LDB2: variants seen among roughly 807,000 people sequenced by gnomAD.
The protein encoded by LDB2 is LIM domain binding 2.
Under a neutral mutation model 44.3 loss-of-function variants are expected in LDB2, and 12 were observed. That is an observed-to-expected ratio of 0.27 (90% CI 0.17 to 0.44). The LOEUF (loss-of-function observed/expected upper bound fraction) is 0.44, where lower values mean the gene tolerates loss of function less well. LDB2 is among the 20% of genes least tolerant of loss of function. The probability of loss-of-function intolerance (pLI) is 1.00; values close to 1 mark genes in which losing one functional copy is unlikely to be tolerated. For synonymous variants in LDB2, 164 were observed against 174.8 expected (o/e 0.94, Z 0.49); for missense variants, 344 against 473.5 (o/e 0.73, Z 2.54).
chr4:16,573,495 G>A (rs1747318363), intron 5 of LDB2, among the ~76,000 whole-genome samples: 2 of 152,254 alleles, frequency 1.3e-5, no homozygotes, highest in South Asian at 2.1e-4. Context: ...TGACAATGCC[G>A]AACAGTTATA....
chr4:16,629,759 G>GA (rs1395746615), intron 2 of LDB2, among the ~76,000 whole-genome samples: 2 of 151,954 alleles, frequency 1.3e-5, no homozygotes, highest in South Asian at 2.1e-4. Flanking sequence ...TGGTGGAGCT[G>GA]AAAACCACAG....
chr4:16,622,865 G>T (rs1459689536), intron 2 of LDB2, among the ~76,000 whole-genome samples: 1 of 152,168 alleles, frequency 6.6e-6, no homozygotes, highest in Admixed American at 6.5e-5. Flanking sequence ...GTCTCCAAAA[G>T]CTATTGTCCC....
chr4:16,774,576 C>A (rs749705461), intron 1 of LDB2, among the ~76,000 whole-genome samples: 1 of 152,074 alleles, frequency 6.6e-6, no homozygotes. Flanking sequence ...CTAAGTCAAG[C>A]CTTTGAAAGA....
chr4:16,548,944 A>T (rs953958555), intron 5 of LDB2, among the ~76,000 whole-genome samples: 2 of 152,232 alleles, frequency 1.3e-5, no homozygotes, highest in South Asian at 4.1e-4. Context: ...CAAGACCCCA[A>T]GACCTATGCC....
chr4:16,643,080 C>A (rs1312668275), intron 2 of LDB2, among the ~76,000 whole-genome samples: 1 of 149,494 alleles, frequency 6.7e-6, no homozygotes, highest in Non-Finnish European at 1.5e-5. Context: ...ATATTTATTA[C>A]AACAATTTCC....
intron 1 of LDB2, among the ~76,000 whole-genome samples, chr4:16,809,084 G>T (rs914842531): frequency 2.6e-5 from 4 of 152,064 alleles, no homozygotes; most frequent in Non-Finnish European, 5.9e-5. Context: ...ACTTCCTCAG[G>T]CTGAAAGTCT....
intron 1 of LDB2, among the ~76,000 whole-genome samples, chr4:16,863,829 T>C (rs1039345253): frequency 6.6e-6 from 1 of 152,016 alleles, no homozygotes; most frequent in Non-Finnish European, 1.5e-5. Context: ...CCCGGCTAAT[T>C]TTTTGTATTT....
chr4:16,521,684 G>C (rs1303045654), intron 5 of LDB2, among the ~76,000 whole-genome samples: 1 of 152,122 alleles, frequency 6.6e-6, no homozygotes, highest in Non-Finnish European at 1.5e-5. Flanking sequence ...CTGATACCAG[G>C]TGACCCTACA....
intron 2 of LDB2, among the ~76,000 whole-genome samples, chr4:16,623,767 C>T (rs999345118): frequency 9.0e-5 from 5 of 55,306 alleles, no homozygotes; most frequent in African/African-American, 1.4e-4. Context: ...AATATACATA[C>T]ACACACACAC....
At chr4:16,612,860 GCA>G (rs1263576194) in intron 2 of LDB2, among the ~76,000 whole-genome samples, 1 of 152,156 alleles carries the variant, frequency 6.6e-6, no homozygotes, top group Non-Finnish European at 1.5e-5. Context: ...TATGAAGCTG[GCA>G]TCATCCTGAT....
chr4:16,872,490 T>C (rs1340227675), intron 1 of LDB2, among the ~76,000 whole-genome samples: 1 of 152,218 alleles, frequency 6.6e-6, no homozygotes, highest in African/African-American at 2.4e-5. Flanking sequence ...TTCCTTCAAC[T>C]GAATTGTAAG....
At chr4:16,522,080 T>G (rs1726318394) in intron 5 of LDB2, among the ~76,000 whole-genome samples, 1 of 152,050 alleles carries the variant, frequency 6.6e-6, no homozygotes, top group Non-Finnish European at 1.5e-5. Flanking sequence ...AACTAACTAG[T>G]GGGGTAACTA....
At chr4:16,523,496 A>G (rs983176324) in intron 5 of LDB2, among the ~76,000 whole-genome samples, 1 of 152,118 alleles carries the variant, frequency 6.6e-6, no homozygotes, top group African/African-American at 2.4e-5. Context: ...ACATTTTGGG[A>G]CCATTATTAA....
chr4:16,893,407 CA>C (rs1206956540), intron 1 of LDB2, among the ~76,000 whole-genome samples: 4 of 152,060 alleles, frequency 2.6e-5, no homozygotes, highest in African/African-American at 4.8e-5. Context: ...ATCTGAACAT[CA>C]ATGATACCAA....
chr4:16,753,606 A>G (rs573573983), intron 2 of LDB2, among the ~76,000 whole-genome samples: 2 of 152,184 alleles, frequency 1.3e-5, no homozygotes, highest in South Asian at 4.1e-4. Context: ...GAGTGATGAC[A>G]TTTCTTAAAA....
At chr4:16,666,581 T>C (rs944922708) in intron 2 of LDB2, among the ~76,000 whole-genome samples, 3 of 152,216 alleles carry the variant, frequency 2.0e-5, no homozygotes, top group African/African-American at 7.2e-5. Context: ...AGAACCAGGG[T>C]TCCACCAGGC....
intron 5 of LDB2, among the ~76,000 whole-genome samples, chr4:16,583,601 TC>T (rs1392402224): frequency 6.6e-6 from 1 of 152,208 alleles, no homozygotes. Flanking sequence ...GAATCTTAAA[TC>T]CCAGTTCTAA....
intron 5 of LDB2, among the ~76,000 whole-genome samples, chr4:16,541,533 A>T (rs931224896): frequency 1.3e-5 from 2 of 152,222 alleles, no homozygotes; most frequent in African/African-American, 4.8e-5. Context: ...ATGGCCTAAT[A>T]AACCATGATT....
intron 1 of LDB2, among the ~76,000 whole-genome samples, chr4:16,861,685 T>C (rs1712603187): frequency 6.6e-6 from 1 of 152,184 alleles, no homozygotes; most frequent in Non-Finnish European, 1.5e-5. Context: ...GGCTGCAGAA[T>C]CTCAAATATG....
Sources: gnomAD v4.1 joint callset for allele counts (sites outside exome capture counted in the v4.1 genomes callset) on GRCh38, gnomAD v4.1.1 for gene constraint, MANE v1.5 for transcripts, NCBI Gene and HGNC (gene_info 2026-07-23, HGNC 2026-07-21) for gene names.